Variants in CAPN2 observed in about 807,000 individuals in gnomAD.
CAPN2 encodes the protein calpain 2.
In CAPN2, 92 loss-of-function variants were observed where a neutral mutation model predicts 102.3. That is an observed-to-expected ratio of 0.90 (90% CI 0.76 to 1.07). The LOEUF is 1.07. Among genes scored for constraint, CAPN2 ranks in the 50% least tolerant of loss-of-function variants. The probability of loss-of-function intolerance (pLI) is 0.00; values close to 1 mark genes in which losing one functional copy is unlikely to be tolerated. For missense variants in CAPN2, 800 were observed against 909.4 expected, an observed-to-expected ratio of 0.88 and a Z score of 1.55; for synonymous variants, 340 against 355.4, an observed-to-expected ratio of 0.96 and a Z score of 0.49.
At chr1:223,739,123 C>G (rs1660542283) in intron 2 of CAPN2, among the ~76,000 whole-genome samples, 1 of 151,828 alleles carries the variant, frequency 6.6e-6, no homozygotes, top group South Asian at 2.1e-4. Context: ...TTTCTGCTCT[C>G]AGATAAATGG....
intron 2 of CAPN2, among the ~76,000 whole-genome samples, chr1:223,741,964 C>T (rs995580099): frequency 1.4e-4 from 22 of 152,154 alleles, no homozygotes; most frequent in African/African-American, 5.3e-4. Context: ...GGGGATGTGT[C>T]TCCGCTTACC....
At chr1:223,717,950 A>C (rs1659924900) in intron 2 of CAPN2, 119 bp downstream of exon 2, 8 of 747,180 alleles carry the variant, frequency 1.1e-5, no homozygotes, top group Non-Finnish European at 1.4e-5. Context: ...TTCTATTTGC[A>C]GAGAAGCTCC....
chr1:223,741,468 A>ATATATATATAT (rs71166282), intron 2 of CAPN2, among the ~76,000 whole-genome samples: 1 of 138,344 alleles, frequency 7.2e-6, no homozygotes, highest in South Asian at 2.2e-4. Context: ...ATATATATAT[A>ATATATATATAT]TTTGAGAGGG....
chr1:223,721,217 T>A (rs1258327263), intron 2 of CAPN2, among the ~76,000 whole-genome samples: 1 of 152,216 alleles, frequency 6.6e-6, no homozygotes, highest in Admixed American at 6.5e-5. Flanking sequence ...AAATCTGCCC[T>A]TCTGGAGGAA....
intron 1 of CAPN2, among the ~76,000 whole-genome samples, chr1:223,716,950 C>T (rs979818937): frequency 6.6e-6 from 1 of 152,110 alleles, no homozygotes; most frequent in Non-Finnish European, 1.5e-5. Flanking sequence ...AGTTCCAATG[C>T]CAGTGCTGTC....
intron 18 of CAPN2, chr1:223,770,999 A>G (rs1661457204): frequency 6.4e-6 from 1 of 155,310 alleles, no homozygotes; most frequent in Non-Finnish European, 1.4e-5. Context: ...GCTGGAATAT[A>G]ATGCTGCTGC....
intron 16 of CAPN2, among the ~76,000 whole-genome samples, chr1:223,768,240 G>T (rs964381024): frequency 3.3e-4 from 49 of 150,452 alleles, no homozygotes; most frequent in South Asian, 1.3e-3. Flanking sequence ...ATTGCTTTTG[G>T]TGTTTTAGAC....
At chr1:223,710,997 T>C (rs1659715385), upstream of CAPN2, among the ~76,000 whole-genome samples, 1 of 152,182 alleles carries the variant, frequency 6.6e-6, no homozygotes, top group African/African-American at 2.4e-5. Context: ...TCTTCAACCA[T>C]GGCAAAAGAA....
At chr1:223,743,146 T>C (rs1660667309) in intron 2 of CAPN2, among the ~76,000 whole-genome samples, 1 of 152,150 alleles carries the variant, frequency 6.6e-6, no homozygotes, top group South Asian at 2.1e-4. Context: ...ACACACCTGC[T>C]CTCATTATGC....
upstream of CAPN2, among the ~76,000 whole-genome samples, chr1:223,709,221 C>T (rs1659677943): frequency 6.6e-6 from 1 of 151,830 alleles, no homozygotes; most frequent in East Asian, 1.9e-4. Context: ...GAAGTCTGAC[C>T]AAAGTTTTGT....
chr1:223,739,718 C>G (rs1230297627), intron 2 of CAPN2, among the ~76,000 whole-genome samples: 5 of 152,170 alleles, frequency 3.3e-5, no homozygotes, highest in Non-Finnish European at 7.4e-5. Context: ...ATACTATTTG[C>G]AGATACATAA....
rs1030640682 is a variant in CAPN2 at position 223,745,402 on chromosome 1, G to A, written c.523G>A (p.Glu175Lys). The A allele has an allele frequency of 3.1e-6, 5 of 1,614,204 alleles. No individual in the cohort carries two copies. Among genetic ancestry groups the A allele is most frequent in the East Asian group, 2.2e-5 (1 of 44,882 alleles). The change falls in exon 4 of 21, where the codon GAG becomes AAG. Residue 175 changes from glutamate to lysine, a missense_variant. Physicochemically the swap from Glu to Lys is moderately conservative, Grantham distance 56. Coordinates refer to ENST00000295006, the MANE Select transcript of CAPN2 (RefSeq NM_001748.5). ...LLFVHSAEGSEFWSALLEKAY... is the reference protein window; with the variant it reads ...LLFVHSAEGSKFWSALLEKAY... ...CTTTGTGCATTCAGCCGAAGGGAGC[G>A]AGTTCTGGAGCGCCCTGCTGGAGAA...
At chr1:223,742,433 C>CAT (rs1056345942) in intron 2 of CAPN2, among the ~76,000 whole-genome samples, 4 of 148,782 alleles carry the variant, frequency 2.7e-5, no homozygotes, top group South Asian at 4.3e-4. Flanking sequence ...ACTTCAATAA[C>CAT]ATATATATAT....
chr1:223,742,728 C>T (rs183779674), intron 2 of CAPN2, among the ~76,000 whole-genome samples: 84 of 151,988 alleles, frequency 5.5e-4, no homozygotes, highest in African/African-American at 1.9e-3. Flanking sequence ...ACCATGTTGC[C>T]GAGGCCAGTG....
Position 223,769,871 on chromosome 1 carries a change from G to T in CAPN2, c.1786G>T (p.Glu596Ter), listed in dbSNP as rs1234727713. 1 of 1,609,042 alleles carries T rather than the reference G, an allele frequency of 6.2e-7. No homozygotes were observed. The highest frequency in any genetic ancestry group is 2.2e-5 in the East Asian group (1 of 44,770). The change falls in exon 17 of 21, where the codon GAG (glutamate) becomes TAG (stop). Residue 596 changes from glutamate to a stop codon, truncating the protein, a stop_gained. Transcript: ENST00000295006. LOFTEE classifies it high-confidence loss of function. ...SDGSGKLGLK[E>*]FYILWTKIQK... is the part of the protein sequence containing the mutation. ...CGGGAGTGGCAAGCTGGGGCTGAAG[G>T]AGTTCTACATTCTCTGGACGAAGAT...
At chr1:223,770,242 A>AT in intron 17 of CAPN2, 1 of 596,892 alleles carries the variant, frequency 1.7e-6, no homozygotes, top group East Asian at 2.8e-5. Context: ...TGGCTGGCTG[A>AT]TTTGATGGGC....
rs1255042984 is a variant in CAPN2 at position 223,765,845 on chromosome 1, C to T, written c.1691-522C>T. Among the ~76,000 whole-genome samples, 7 of 152,348 alleles carry T rather than the reference C, an allele frequency of 4.6e-5. No homozygotes were observed. The East Asian group carries it at 9.6e-4, about 21-fold the overall frequency. ...TCACATTGGTGACTAGGGAGGGTCT[C>T]ATGCCACCTGCCAAACACCAAGTGG... On this transcript the variant is annotated intron_variant, in intron 15 of 20. Transcript: ENST00000295006.
chr1:223,742,840 A>C (rs1337279119), intron 2 of CAPN2, among the ~76,000 whole-genome samples: 1 of 152,166 alleles, frequency 6.6e-6, no homozygotes, highest in Non-Finnish European at 1.5e-5. Context: ...ATTTTTAATA[A>C]ACCTGTCAAT....
chr1:223,760,804 A>G (rs1403772931), intron 12 of CAPN2, among the ~76,000 whole-genome samples: 1 of 152,138 alleles, frequency 6.6e-6, no homozygotes, highest in Non-Finnish European at 1.5e-5. Context: ...CCTTGTCCCA[A>G]AATATTAATC....
Sources: gnomAD v4.1 joint callset for allele counts (sites outside exome capture counted in the v4.1 genomes callset) on GRCh38, gnomAD v4.1.1 for gene constraint, MANE v1.5 for transcripts, NCBI Gene and HGNC (gene_info 2026-07-23, HGNC 2026-07-21) for gene names.